SLC6A4: variants seen among roughly 807,000 people sequenced by gnomAD.
SLC6A4 encodes the protein sodium-dependent serotonin transporter.
A neutral mutation model predicts 73.4 loss-of-function variants in SLC6A4; 22 were observed. The observed-to-expected ratio is 0.30, with a 90% CI of 0.21 to 0.43. SLC6A4 has a LOEUF of 0.43. Ranked by LOEUF, SLC6A4 falls within the 20% of genes least tolerant of loss-of-function variation. The probability of loss-of-function intolerance (pLI) is 1.00; values close to 1 mark genes in which losing one functional copy is unlikely to be tolerated. For synonymous variants in SLC6A4, 270 were observed against 315.5 expected, an observed-to-expected ratio of 0.86 and a Z score of 1.53; for missense variants, 593 against 808.5, an observed-to-expected ratio of 0.73 and a Z score of 3.23.
chr17:30,213,839 C>T (rs998364664), intron 8 of SLC6A4, among the ~76,000 whole-genome samples: 3 of 152,004 alleles, frequency 2.0e-5, no homozygotes, highest in Admixed American at 6.5e-5. Flanking sequence ...CTTAACCTCC[C>T]GGGCTCAAGC....
chr17:30,210,162 A>G (rs962053507), intron 11 of SLC6A4, among the ~76,000 whole-genome samples: 3 of 152,152 alleles, frequency 2.0e-5, no homozygotes, highest in African/African-American at 4.8e-5. Context: ...CATTACACAC[A>G]TGACGTGAAG....
rs13306793 is a variant in SLC6A4 at position 30,217,328 on chromosome 17, C to T, written c.699-24G>A. The T allele has an allele frequency of 5.6e-6, 9 of 1,609,238 alleles. No homozygotes were observed. In the East Asian group the frequency reaches 2.0e-4, roughly 36 times the overall value. ...GCCTGGGGTGAAGGAGAAAGAAAGG[C>T]CCCTGAGAGGCTCTGTAGAGTGACC... On this transcript the variant is annotated intron_variant, in intron 5 of 14. Coordinates refer to ENST00000650711, the MANE Select transcript of SLC6A4 (RefSeq NM_001045.6).
intron 1 of SLC6A4, among the ~76,000 whole-genome samples, chr17:30,228,160 G>A (rs1166554819): frequency 6.6e-6 from 1 of 152,144 alleles, no homozygotes; most frequent in East Asian, 1.9e-4. Flanking sequence ...TCTCCTTTCT[G>A]TTTCAGGTCT....
At chr17:30,229,992 C>G (rs1907035404) in intron 1 of SLC6A4, among the ~76,000 whole-genome samples, 1 of 149,766 alleles carries the variant, frequency 6.7e-6, no homozygotes. Context: ...GCACTCCAGC[C>G]TGGACAACAG....
At chr17:30,203,546 C>T in intron 13 of SLC6A4, 3 of 554,914 alleles carry the variant, frequency 5.4e-6, no homozygotes, top group Non-Finnish European at 9.6e-6. Context: ...GGTGCTTTCC[C>T]TGATTTTCCT....
chr17:30,210,800 A>G (rs1232939528), intron 10 of SLC6A4, among the ~76,000 whole-genome samples, 154 bp from the exon 11 acceptor site: 2 of 152,128 alleles, frequency 1.3e-5, no homozygotes, highest in Non-Finnish European at 2.9e-5. Flanking sequence ...AAGCATCTCA[A>G]AGAGTATTTC....
At chr17:30,210,409 T>A (rs1906346118) in intron 11 of SLC6A4, 106 bp downstream of exon 11, 3 of 1,266,964 alleles carry the variant, frequency 2.4e-6, no homozygotes, top group Non-Finnish European at 3.2e-6. Flanking sequence ...CCTCCTTTGG[T>A]CCCAAAGCCA....
At chr17:30,212,909 G>T in intron 8 of SLC6A4, 42 bp from the exon 9 acceptor site, 1 of 1,610,124 alleles carries the variant, frequency 6.2e-7, no homozygotes. Flanking sequence ...ACAGTTCCAA[G>T]ATCAGGGGTC....
chr17:30,232,754 G>A (rs375664369), intron 1 of SLC6A4, among the ~76,000 whole-genome samples: 5 of 152,304 alleles, frequency 3.3e-5, no homozygotes, highest in African/African-American at 7.2e-5. Context: ...ATTTAAAAGC[G>A]CGTTGTTGAC....
In SLC6A4 at chr17:30,230,078, GA is replaced by G. The variant is rs1280437029; in HGVS notation, c.-221+5534del. Among the ~76,000 whole-genome samples the G allele has an allele frequency of 5.2e-3, 636 of 121,506 alleles. 4 individuals carry two copies. The highest frequency in any genetic ancestry group is 0.026 in the African/African-American group (614 of 23,530). 79.7% of individuals were successfully genotyped at this position (121,506 alleles called of 152,430 possible). A position where few individuals can be genotyped will look rare whatever the true frequency, so the allele number is the denominator to read the frequency against. On this transcript the variant is annotated intron_variant, in intron 1 of 14. Transcript: ENST00000650711. Reference sequence around the variant, plus strand: ...AGAAGAAGAAGAAGAAGAAGAAGAAGAAGAAGAAGAAGAAGAAGAGGAGGAA... The same window carrying G: ...AGAAGAAGAAGAAGAAGAAGAAGAAGAGAAGAAGAAGAAGAAGAGGAGGAA...
chr17:30,223,793 G>A (rs1240544865), intron 1 of SLC6A4, among the ~76,000 whole-genome samples: 1 of 152,008 alleles, frequency 6.6e-6, no homozygotes, highest in Non-Finnish European at 1.5e-5. Flanking sequence ...TCTGACAAGA[G>A]CGGTCTCCAT....
At chr17:30,226,418 A>G (rs1906925811) in intron 1 of SLC6A4, among the ~76,000 whole-genome samples, 1 of 152,164 alleles carries the variant, frequency 6.6e-6, no homozygotes, top group South Asian at 2.1e-4. Context: ...AAGGCAGGCA[A>G]GCCGGGCCAG....
chr17:30,220,971 CTTTT>C (rs776589435), intron 3 of SLC6A4, among the ~76,000 whole-genome samples: 4 of 113,614 alleles, frequency 3.5e-5, no homozygotes, highest in African/African-American at 1.1e-4. Context: ...GGAGATTTGA[CTTTT>C]TTTTTTTTTT....
chr17:30,199,743 T>C (rs1905973298), intron 14 of SLC6A4, among the ~76,000 whole-genome samples: 1 of 152,136 alleles, frequency 6.6e-6, no homozygotes. Context: ...AGTCATCCGT[T>C]TAAAAAGGAG....
At chr17:30,206,706 T>TC (rs1198698027) in intron 13 of SLC6A4, among the ~76,000 whole-genome samples, 1 of 129,578 alleles carries the variant, frequency 7.7e-6, no homozygotes, top group Non-Finnish European at 1.6e-5. Context: ...TTTTTTCTTT[T>TC]CTTTTCTTTT....
rs937080895 is a variant in SLC6A4, at chr17:30,216,676, C to CT, written c.838-461dup. ...CTAGAAAATATTCTTTTTTCTTTTC[C>CT]TTTTTTTTTTTAGTGAGACAGAATT... is the stretch of plus-strand genomic sequence containing the variant. On this transcript the variant is annotated intron_variant, in intron 6 of 14. Coordinates refer to ENST00000650711, the MANE Select transcript of SLC6A4 (RefSeq NM_001045.6). 3.5e-3 allele frequency among the ~76,000 whole-genome samples: 497 copies of CT among 143,386 alleles called. 1 individual carries two copies. The highest frequency in any genetic ancestry group is 0.018 in the East Asian group (90 of 4,966). The allele number at this position is 143,386 out of a possible 152,430, so 94.1% of individuals were successfully genotyped here.
chr17:30,230,190 G>T (rs1263747708), intron 1 of SLC6A4, among the ~76,000 whole-genome samples: 1 of 151,950 alleles, frequency 6.6e-6, no homozygotes, highest in African/African-American at 2.4e-5. Flanking sequence ...GACATGAATT[G>T]CTTGTGACAC....
intron 6 of SLC6A4, among the ~76,000 whole-genome samples, chr17:30,216,890 A>C (rs1474547389): frequency 4.6e-5 from 7 of 151,360 alleles, no homozygotes; most frequent in African/African-American, 1.7e-4. Flanking sequence ...AGTAGAGATG[A>C]GGTTTCGATG....
chr17:30,203,472 G>A, intron 13 of SLC6A4, 133 bp from the exon 14 acceptor site: 5 of 746,438 alleles, frequency 6.7e-6, no homozygotes, highest in Non-Finnish European at 1.1e-5. Flanking sequence ...GATATATCCT[G>A]GATTGAACTC....
Sources: allele counts gnomAD v4.1 joint callset (sites outside exome capture counted in the v4.1 genomes callset), GRCh38; gene constraint gnomAD v4.1.1; transcripts MANE v1.5; gene names NCBI Gene and HGNC (gene_info 2026-07-23, HGNC 2026-07-21).